NWD2: variants seen among roughly 807,000 people sequenced by gnomAD.
NWD2 encodes the protein NACHT and WD repeat domain-containing protein 2.
A neutral mutation model predicts 132.7 loss-of-function variants in NWD2; 37 were observed. The ratio of observed to expected loss-of-function variants is 0.28; its 90% confidence interval spans 0.21 to 0.37. The LOEUF (loss-of-function observed/expected upper bound fraction) is 0.37. Ranked by LOEUF, NWD2 falls within the 10% of genes least tolerant of loss-of-function variation. The pLI is 1.00. For synonymous variants in NWD2, 705 were observed against 803.0 expected (o/e 0.88, Z 2.06); for missense variants, 1,592 against 2,122.4 (o/e 0.75, Z 4.91).
intron 3 of NWD2, among the ~76,000 whole-genome samples, chr4:37,395,659 G>A (rs150949690): frequency 9.0e-4 from 135 of 150,760 alleles, no homozygotes; most frequent in Non-Finnish European, 1.5e-3. Context: ...TGGGGAAGGG[G>A]CCTTGTCAAT....
At chr4:37,248,208 TA>T (rs1717283733) in intron 1 of NWD2, among the ~76,000 whole-genome samples, 1 of 152,066 alleles carries the variant, frequency 6.6e-6, no homozygotes, top group East Asian at 1.9e-4. Flanking sequence ...ACAATACAGA[TA>T]GGGGGATAAG....
At position 37,446,484 on chromosome 4, in the gene NWD2, C is replaced by T. The variant is rs1255981569; in HGVS notation, c.4496C>T (p.Ser1499Leu). Residue 1499 changes from serine (S) to leucine (L), a missense_variant, in exon 7 of 7, where the codon TCG becomes TTG. This residue lies in a region of NWD2 where 257 missense variants were observed against 335.0 expected (regional missense o/e 0.77). Transcript: ENST00000309447. This position sits in a 1 kb window ranked among gnomAD's most constrained non-coding sequence, Gnocchi z 6.7. The part of the protein sequence containing the change: ...DCPDIIVFIT[S>L]AETVNIWSLT... The stretch of plus-strand genomic sequence containing the variant: ...CCTGATATCATCGTGTTTATCACAT[C>T]GGCCGAGACTGTGAACATCTGGAGT... 1.9e-6 allele frequency: 3 copies of T among 1,551,628 alleles called. No homozygotes were observed. The highest frequency in any genetic ancestry group is 2.6e-6 in the Non-Finnish European group (3 of 1,146,996).
chr4:37,277,004 G>C, intron 1 of NWD2, among the ~76,000 whole-genome samples: 1 of 151,992 alleles, frequency 6.6e-6, no homozygotes, highest in East Asian at 1.9e-4. Context: ...GGATGGGGGA[G>C]GGATAGTATT....
At chr4:37,377,391 A>G (rs1720366712) in intron 3 of NWD2, among the ~76,000 whole-genome samples, 1 of 152,248 alleles carries the variant, frequency 6.6e-6, no homozygotes, top group Non-Finnish European at 1.5e-5. Context: ...GCAAATGTCC[A>G]CGTAATTTTT....
At chr4:37,394,399 T>G (rs901037015) in intron 3 of NWD2, among the ~76,000 whole-genome samples, 1 of 152,236 alleles carries the variant, frequency 6.6e-6, no homozygotes, top group Non-Finnish European at 1.5e-5. Flanking sequence ...AGTTATTGAT[T>G]AATACAAACT....
intron 3 of NWD2, among the ~76,000 whole-genome samples, chr4:37,392,429 G>A (rs1014389479): frequency 9.9e-5 from 15 of 151,998 alleles, no homozygotes; most frequent in African/African-American, 3.1e-4. Flanking sequence ...TCTCTGCGGC[G>A]GGGGCTGCTG....
At chr4:37,256,924 G>C (rs770577597) in intron 1 of NWD2, among the ~76,000 whole-genome samples, 30 of 152,144 alleles carry the variant, frequency 2.0e-4, no homozygotes, top group Non-Finnish European at 3.4e-4. Context: ...CTCTTATTAA[G>C]AGGTGGGATC....
At chr4:37,320,836 G>T (rs1338125932) in intron 1 of NWD2, among the ~76,000 whole-genome samples, 1 of 152,166 alleles carries the variant, frequency 6.6e-6, no homozygotes, top group Non-Finnish European at 1.5e-5. Context: ...ATTCTAAGCA[G>T]ATTTTCTGAG....
chr4:37,349,032 A>ATAG (rs896106377), intron 2 of NWD2, among the ~76,000 whole-genome samples: 4 of 152,058 alleles, frequency 2.6e-5, no homozygotes, highest in Admixed American at 2.6e-4. Flanking sequence ...TTATGGCTGA[A>ATAG]TAGTATTCCA....
chr4:37,356,078 C>G (rs1719865585), intron 2 of NWD2, among the ~76,000 whole-genome samples: 1 of 152,102 alleles, frequency 6.6e-6, no homozygotes, highest in African/African-American at 2.4e-5. Flanking sequence ...AATTCTGTTT[C>G]CATTTCAAGA....
chr4:37,420,027 C>T (rs572109386), intron 3 of NWD2, among the ~76,000 whole-genome samples: 1 of 152,238 alleles, frequency 6.6e-6, no homozygotes, highest in East Asian at 1.9e-4. Flanking sequence ...CATAGGTATG[C>T]TCATTATTTT....
At chr4:37,396,936 A>G (rs536088193) in intron 3 of NWD2, among the ~76,000 whole-genome samples, 228 of 152,076 alleles carry the variant, frequency 1.5e-3, no homozygotes, top group Middle Eastern at 3.4e-3. Context: ...GGGAGGCTGA[A>G]GTGGGAGAAT....
At chr4:37,310,885 T>C (rs1482501075) in intron 1 of NWD2, among the ~76,000 whole-genome samples, 1 of 149,688 alleles carries the variant, frequency 6.7e-6, no homozygotes, top group African/African-American at 2.5e-5. Flanking sequence ...CCTGCAGTGT[T>C]TGGTTTTTTG....
chr4:37,379,443 C>A (rs115710188), intron 3 of NWD2, among the ~76,000 whole-genome samples: 1,825 of 152,240 alleles, frequency 0.012, 35 homozygotes, highest in African/African-American at 0.042. Context: ...GGAATTCAAA[C>A]CCTAATAGCC....
At position 37,447,093 on chromosome 4, in the gene NWD2, C is replaced by G. The variant is rs1419402239; in HGVS notation, c.5105C>G (p.Pro1702Arg). 6.4e-7 allele frequency: 1 copy of G among 1,551,540 alleles called. No homozygotes were observed. Among genetic ancestry groups the G allele is most frequent in the Admixed American group, 2.0e-5 (1 of 50,994 alleles). Residue 1702 changes from proline (P) to arginine (R), a missense_variant, in exon 7 of 7, where the codon CCC (proline) becomes CGC (arginine). Coordinates refer to ENST00000309447, the MANE Select transcript of NWD2 (RefSeq NM_001144990.2). ...ACTGAGGTCTTTGCAAGAGACAGCC[C>G]CATCACAGTTAGTGACTCTACTGAG... ...ESTEVFARDS[P>R]ITVSDSTESN...
chr4:37,348,675 T>TATATATATACACACACACAC (rs1308407988), intron 2 of NWD2, among the ~76,000 whole-genome samples: 2 of 22,572 alleles, frequency 8.9e-5, no homozygotes, highest in African/African-American at 3.6e-4. Flanking sequence ...TATATATATA[T>TATATATATACACACACACAC]ACACACACAC....
intron 1 of NWD2, among the ~76,000 whole-genome samples, chr4:37,304,511 A>G (rs1718669774): frequency 1.3e-5 from 2 of 152,182 alleles, no homozygotes. Context: ...TTCCACCTAT[A>G]AGCCTGTAAA....
chr4:37,411,291 A>G (rs1339369053), intron 3 of NWD2, among the ~76,000 whole-genome samples: 1 of 152,226 alleles, frequency 6.6e-6, no homozygotes, highest in African/African-American at 2.4e-5. Context: ...ATAAAAAGTG[A>G]TACAGGGGAT....
chr4:37,355,702 T>C (rs1719857329), intron 2 of NWD2, among the ~76,000 whole-genome samples: 1 of 152,242 alleles, frequency 6.6e-6, no homozygotes, highest in Non-Finnish European at 1.5e-5. Flanking sequence ...TGTTATAGAC[T>C]GCCAGAATCT....
Sources: gnomAD v4.1 joint callset for allele counts (sites outside exome capture counted in the v4.1 genomes callset) on GRCh38, gnomAD v4.1.1 for gene constraint, gnomAD v4.1.1 regional missense constraint, Gnocchi (gnomAD v3.1) non-coding constraint, MANE v1.5 for transcripts, NCBI Gene and HGNC (gene_info 2026-07-23, HGNC 2026-07-21) for gene names.